The following STX7 variants were observed in gnomAD, a reference collection of about 807,000 sequenced individuals.
The protein encoded by STX7 is syntaxin 7.
STX7 carries 34 observed loss-of-function variants against 39.6 expected under a neutral mutation model. The observed-to-expected ratio is 0.86, with a 90% CI of 0.65 to 1.14. The LOEUF (loss-of-function observed/expected upper bound fraction) is 1.14, where lower values mean the gene tolerates loss of function less well. Ranked by LOEUF, STX7 falls within the 50% of genes most tolerant of loss-of-function variation. The probability of loss-of-function intolerance (pLI) is 0.00; values close to 1 mark genes in which losing one functional copy is unlikely to be tolerated. For synonymous variants in STX7, 119 were observed against 99.1 expected (o/e 1.20, Z -1.19); for missense variants, 284 against 310.4 (o/e 0.92, Z 0.64).
At chr6:132,485,660 T>A (rs1481479182) in intron 2 of STX7, among the ~76,000 whole-genome samples, 3 of 152,232 alleles carry the variant, frequency 2.0e-5, no homozygotes, top group Non-Finnish European at 4.4e-5. Flanking sequence ...TTCCTCTACA[T>A]CCTCTCCAGC....
At position 132,448,377 on chromosome 6, in the gene STX7, T is replaced by C. The variant is rs1225479687; in HGVS notation, c.*12381A>G. Reference sequence around the variant, plus strand: ...TCTAAAATTCATCTTTATTCTTAAGTGAAAGTCCCTTGTTTGTAAATTCTC... The same window carrying C: ...TCTAAAATTCATCTTTATTCTTAAGCGAAAGTCCCTTGTTTGTAAATTCTC... On this transcript the variant is annotated 3_prime_UTR_variant, in exon 10 of 10. Coordinates refer to ENST00000367941, the MANE Select transcript of STX7 (RefSeq NM_003569.3). 6.6e-6 allele frequency: 1 copy of C among 152,216 alleles called. No individual in the cohort carries two copies. Among genetic ancestry groups the C allele is most frequent in the South Asian group, 2.1e-4 (1 of 4,838 alleles). 9.4% of individuals were successfully genotyped at this position (152,216 alleles called of 1,614,324 possible).
rs545110542 is a variant in STX7 at position 132,455,551 on chromosome 6, A to G, written c.*5207T>C. On this transcript the variant is annotated 3_prime_UTR_variant, in exon 10 of 10. Transcript: ENST00000367941. ...TGTGCGTGTAACGACTGGACAGGAA[A>G]TCTGGTTTTGCCTTCCACCACTTAC... 2.0e-4 allele frequency: 30 copies of G among 152,300 alleles called. No individual in the cohort carries two copies. Among genetic ancestry groups the G allele is most frequent in the Middle Eastern group, 3.4e-3 (1 of 294 alleles). The allele number at this position is 152,300 out of a possible 1,614,324, so 9.4% of individuals were successfully genotyped here.
intron 2 of STX7, among the ~76,000 whole-genome samples, chr6:132,480,881 T>C (rs939992357): frequency 6.6e-6 from 1 of 152,348 alleles, no homozygotes; most frequent in African/African-American, 2.4e-5. Context: ...CTGCAATGTA[T>C]ATATTTAGAT....
At chr6:132,510,350 A>G (rs1010742205) in intron 1 of STX7, among the ~76,000 whole-genome samples, 5 of 152,194 alleles carry the variant, frequency 3.3e-5, no homozygotes, top group African/African-American at 1.2e-4. Flanking sequence ...TGTATCCACA[A>G]ATATGTAAAT....
At chr6:132,491,584 T>C (rs1182517836) in intron 2 of STX7, among the ~76,000 whole-genome samples, 1 of 152,090 alleles carries the variant, frequency 6.6e-6, no homozygotes, top group Non-Finnish European at 1.5e-5. Context: ...CCTATCTTAA[T>C]TTTTTTGTGA....
chr6:132,512,462 T>A (rs140421411), intron 1 of STX7, among the ~76,000 whole-genome samples: 10 of 152,202 alleles, frequency 6.6e-5, no homozygotes, highest in Non-Finnish European at 1.3e-4. Flanking sequence ...AATGTCAAAG[T>A]ATGTTAAAGT....
intron 3 of STX7, among the ~76,000 whole-genome samples, chr6:132,474,024 T>C (rs762859451): frequency 3.4e-4 from 52 of 151,800 alleles, no homozygotes; most frequent in Non-Finnish European, 5.9e-4. Flanking sequence ...GAGCCCAGAA[T>C]TGAAGACCAG....
At chr6:132,478,346 G>A (rs1297306897) in intron 2 of STX7, among the ~76,000 whole-genome samples, 2 of 152,108 alleles carry the variant, frequency 1.3e-5, no homozygotes, top group Admixed American at 6.6e-5. Flanking sequence ...TTAAAGAATT[G>A]AGTAGAAATG....
At chr6:132,467,278 C>T (rs1774586853) in intron 8 of STX7, among the ~76,000 whole-genome samples, 1 of 152,186 alleles carries the variant, frequency 6.6e-6, no homozygotes, top group South Asian at 2.1e-4. Context: ...TTTGTACTCG[C>T]TGTTCTCTCT....
chr6:132,494,306 A>G (rs1007105151), intron 2 of STX7, among the ~76,000 whole-genome samples: 3 of 152,228 alleles, frequency 2.0e-5, no homozygotes, highest in Admixed American at 6.5e-5. Context: ...GAATAAAATT[A>G]TGTGTAAATA....
In STX7 at chr6:132,475,598, T is replaced by G; in HGVS notation, c.150A>C (p.Gln50His). ...TTATTTAACTAGATACTTACAACTG[T>G]TGCCTCAATTCAGGTGAATCTTGAG... The part of the protein sequence containing the change: ...GTPQDSPELR[Q>H]QLQQKQQYTN... The change falls in exon 3 of 10, where the codon CAA becomes CAC. Residue 50 changes from glutamine to histidine, a missense_variant. By Grantham distance (24) the Gln-to-His change is conservative (BLOSUM62 0). Transcript: ENST00000367941. The G allele has an allele frequency of 6.2e-7, 1 of 1,603,062 alleles. No individual in the cohort carries two copies. The highest frequency in any genetic ancestry group is 8.5e-7 in the Non-Finnish European group (1 of 1,174,092).
intron 3 of STX7, among the ~76,000 whole-genome samples, chr6:132,472,633 G>A (rs966906879): frequency 6.6e-6 from 1 of 152,188 alleles, no homozygotes; most frequent in Non-Finnish European, 1.5e-5. Context: ...TAGAAACACA[G>A]ATGACTTGAA....
At chr6:132,468,152 G>A (rs189775875) in intron 8 of STX7, among the ~76,000 whole-genome samples, 1 of 152,296 alleles carries the variant, frequency 6.6e-6, no homozygotes, top group Admixed American at 6.5e-5. Flanking sequence ...GGTCTTGGCA[G>A]CAATAGGCCC....
intron 3 of STX7, among the ~76,000 whole-genome samples, chr6:132,473,646 T>C (rs2114385679): frequency 6.6e-6 from 1 of 151,914 alleles, no homozygotes. Context: ...TTGAAAAGAT[T>C]TCCAACTTAA....
rs1774293509 is a variant in STX7 at position 132,458,153 on chromosome 6, A to T, written c.*2605T>A. ...TACAAAATTTTACAATTTTTAACAAAAGCAGTGAAGACACTAAATAACCCA... is the reference window on the plus strand; with the variant it reads ...TACAAAATTTTACAATTTTTAACAATAGCAGTGAAGACACTAAATAACCCA... On this transcript the variant is annotated 3_prime_UTR_variant, in exon 10 of 10. Coordinates refer to ENST00000367941, the MANE Select transcript of STX7 (RefSeq NM_003569.3). 6.6e-6 allele frequency: 1 copy of T among 152,210 alleles called. No individual in the cohort carries two copies. Among genetic ancestry groups the T allele is most frequent in the Non-Finnish European group, 1.5e-5 (1 of 68,038 alleles). 9.4% of individuals were successfully genotyped at this position (152,210 alleles called of 1,614,324 possible).
intron 2 of STX7, among the ~76,000 whole-genome samples, chr6:132,490,927 G>A: frequency 6.6e-6 from 1 of 150,380 alleles, no homozygotes; most frequent in East Asian, 1.9e-4. Context: ...CCAGGCTAGG[G>A]GCTGAGAGGC....
chr6:132,461,898 CAAGTAG>C (rs1774417186), intron 9 of STX7: 1 of 1,493,742 alleles, frequency 6.7e-7, no homozygotes, highest in Non-Finnish European at 9.1e-7. Context: ...TACTTTGTGT[CAAGTAG>C]AAGTACCAAA....
At chr6:132,468,570 T>C (rs1293900241) in intron 7 of STX7, 95 bp from the exon 8 acceptor site, 2 of 741,514 alleles carry the variant, frequency 2.7e-6, no homozygotes, top group Admixed American at 2.7e-5. Flanking sequence ...TACTCACACA[T>C]GGGTGAGCAT....
intron 2 of STX7, among the ~76,000 whole-genome samples, chr6:132,483,344 T>G (rs1775055631): frequency 6.6e-6 from 1 of 152,214 alleles, no homozygotes. Flanking sequence ...TTTTAAAATT[T>G]TTCTGAATAT....
Sources: allele counts gnomAD v4.1 joint callset (sites outside exome capture counted in the v4.1 genomes callset), GRCh38; gene constraint gnomAD v4.1.1; transcripts MANE v1.5; gene names NCBI Gene and HGNC (gene_info 2026-07-23, HGNC 2026-07-21).